The following SMIM14 variants were observed in gnomAD, a reference collection of about 807,000 sequenced individuals.
SMIM14 encodes the protein chromosome 4 open reading frame 34.
In SMIM14, 5 loss-of-function variants were observed where a neutral mutation model predicts 12.6. The ratio of observed to expected loss-of-function variants is 0.40; its 90% CI spans 0.21 to 0.83. The LOEUF is 0.83. Among genes scored for constraint, SMIM14 ranks in the 40% least tolerant of loss-of-function variants. The probability of loss-of-function intolerance (pLI) is 0.37; values close to 1 mark genes in which losing one functional copy is unlikely to be tolerated. For missense variants in SMIM14, 86 were observed against 119.1 expected, an observed-to-expected ratio of 0.72 and a Z score of 1.29; for synonymous variants, 30 against 40.1, an observed-to-expected ratio of 0.75 and a Z score of 0.95.
intron 2 of SMIM14, chr4:39,593,862 G>A (rs906958433): frequency 1.1e-4 from 16 of 151,984 alleles, no homozygotes; most frequent in Admixed American, 2.0e-4. Flanking sequence ...GAAGGACCTC[G>A]TCAAGGAGAA....
intron 3 of SMIM14, among the ~76,000 whole-genome samples, chr4:39,560,514 A>C (rs1018349745): frequency 3.3e-5 from 5 of 151,638 alleles, no homozygotes; most frequent in African/African-American, 1.2e-4. Flanking sequence ...ATCAGAGTCA[A>C]CTGAAAACTT....
Position 39,583,747 on chromosome 4 carries a change from CAAGAT to C in SMIM14, c.76-11289_76-11285del, listed in dbSNP as rs544117272. On this transcript the variant is annotated intron_variant, in intron 2 of 4. Coordinates refer to ENST00000295958, the MANE Select transcript of SMIM14 (RefSeq NM_174921.3). ...AGTATATATGATGGCACAGATTTTA[CAAGAT>C]AAGACCCTGAGTTATTTTGCTCTTT... Among the ~76,000 whole-genome samples, 1,043 of 152,192 alleles carry C rather than the reference CAAGAT, an allele frequency of 6.9e-3. 4 individuals are homozygous for C. Among genetic ancestry groups the C allele is most frequent in the Middle Eastern group, 0.014 (4 of 294 alleles).
intron 1 of SMIM14, among the ~76,000 whole-genome samples, chr4:39,631,415 T>C (rs1039110497): frequency 1.3e-5 from 2 of 151,938 alleles, no homozygotes; most frequent in Admixed American, 1.3e-4. Context: ...TCCCAGCACT[T>C]TGGGAGGCCA....
At chr4:39,608,992 T>C (rs1283835694) in intron 1 of SMIM14, among the ~76,000 whole-genome samples, 2 of 152,156 alleles carry the variant, frequency 1.3e-5, no homozygotes, top group Non-Finnish European at 2.9e-5. Context: ...TATGTATTGT[T>C]TTGAGATGGA....
At chr4:39,565,825 T>TG (rs777365952) in intron 3 of SMIM14, among the ~76,000 whole-genome samples, 35 of 152,062 alleles carry the variant, frequency 2.3e-4, no homozygotes, top group South Asian at 8.3e-4. Context: ...GATTGAATTA[T>TG]GGGGGGCGGG....
Position 39,558,613 on chromosome 4 carries a change from C to G in SMIM14, c.125-2043G>C, listed in dbSNP as rs16995819. Among the ~76,000 whole-genome samples, 2,249 of 152,274 alleles carry G rather than the reference C, an allele frequency of 0.015. 51 individuals carry two copies. The highest frequency in any genetic ancestry group is 0.051 in the African/African-American group (2,126 of 41,552). On this transcript the variant is annotated intron_variant, in intron 3 of 4. Transcript: ENST00000295958. This position sits in a 1 kb window ranked among gnomAD's most constrained non-coding sequence, Gnocchi z 4.3. Reference sequence around the variant, plus strand: ...CAAAGAAGAGAAGCTGTGCTTTGTGCTTAGAAACAATCCCACAGCTGGAAA... The same window carrying G: ...CAAAGAAGAGAAGCTGTGCTTTGTGGTTAGAAACAATCCCACAGCTGGAAA...
chr4:39,557,000 G>A (rs1194128354), intron 3 of SMIM14, among the ~76,000 whole-genome samples: 5 of 151,388 alleles, frequency 3.3e-5, no homozygotes, highest in Admixed American at 1.3e-4. Flanking sequence ...ATGTTGCCTG[G>A]GCTGGTCTCT....
In SMIM14 at chr4:39,548,545, CTG is replaced by C. The variant is rs1349369676; in HGVS notation, c.*3579_*3580del. On this transcript the variant is annotated 3_prime_UTR_variant, in exon 5 of 5. Coordinates refer to ENST00000295958, the MANE Select transcript of SMIM14 (RefSeq NM_174921.3). ...TGTGGAATGTGTTTAAGAGCCAAAA[CTG>C]TGAAAATGTAAGCTTTATCTTTCTT... The C allele has an allele frequency of 1.3e-5, 2 of 152,038 alleles. No individual in the cohort carries two copies. The highest frequency in any genetic ancestry group is 1.5e-5 in the Non-Finnish European group (1 of 68,000). The allele number at this position is 152,038 out of a possible 1,614,324, so 9.4% of individuals were successfully genotyped here. A position where few individuals can be genotyped will look rare whatever the true frequency, so the allele number is the denominator to read the frequency against.
rs1747348812 is a variant in SMIM14, at chr4:39,546,390, C to T, written c.*5736G>A. On this transcript the variant is annotated 3_prime_UTR_variant, in exon 5 of 5. Coordinates refer to ENST00000295958, the MANE Select transcript of SMIM14 (RefSeq NM_174921.3). Reference sequence around the variant, plus strand: ...ATACATTTGTCTGAGAAGAGATACGCACACTAAAGTCCCCTACAAGCAACT... The same window carrying T: ...ATACATTTGTCTGAGAAGAGATACGTACACTAAAGTCCCCTACAAGCAACT... 1.3e-5 allele frequency: 2 copies of T among 152,196 alleles called. No individual in the cohort carries two copies. Among genetic ancestry groups the T allele is most frequent in the Admixed American group, 6.5e-5 (1 of 15,276 alleles). 9.4% of individuals were successfully genotyped at this position (152,196 alleles called of 1,614,324 possible). A position where few individuals can be genotyped will look rare whatever the true frequency, so the allele number is the denominator to read the frequency against.
At chr4:39,638,696 G>C in intron 1 of SMIM14, 43 bp downstream of exon 1, 1 of 985,384 alleles carries the variant, frequency 1.0e-6, no homozygotes, top group South Asian at 4.7e-5. Context: ...GGCGAGGGGA[G>C]GGTGAGCCAG....
chr4:39,590,272 G>T (rs1713998367), intron 2 of SMIM14, among the ~76,000 whole-genome samples: 2 of 151,706 alleles, frequency 1.3e-5, no homozygotes, highest in African/African-American at 4.8e-5. Context: ...AATTAGCTGG[G>T]CGTGGTGGCG....
At position 39,548,067 on chromosome 4, in the gene SMIM14, G is replaced by A. The variant is rs550036162; in HGVS notation, c.*4059C>T. 1 of 152,228 alleles carries A rather than the reference G, an allele frequency of 6.6e-6. No homozygotes were observed. Among genetic ancestry groups the A allele is most frequent in the Non-Finnish European group, 1.5e-5 (1 of 68,092 alleles). The allele number at this position is 152,228 out of a possible 1,614,324, so 9.4% of individuals were successfully genotyped here. ...ATTACAGGCATGTGCCACCACACCA[G>A]GCTACTTTTGTATTTTTAGTGGAGA... On this transcript the variant is annotated 3_prime_UTR_variant, in exon 5 of 5. Transcript: ENST00000295958.
intron 1 of SMIM14, among the ~76,000 whole-genome samples, chr4:39,628,714 GTTTTTCTTTTTTTTTT>G (rs1189849155): frequency 2.1e-5 from 3 of 143,024 alleles, no homozygotes; most frequent in Non-Finnish European, 4.6e-5. Context: ...TCAGGAAAAT[GTTTTTCTTTTTTTTTT>G]TTTTTCTTTT....
At chr4:39,578,150 T>G (rs1400655642) in intron 2 of SMIM14, among the ~76,000 whole-genome samples, 3 of 152,174 alleles carry the variant, frequency 2.0e-5, no homozygotes, top group Non-Finnish European at 2.9e-5. Flanking sequence ...GTTCTGGGAA[T>G]TTTGTTTGTT....
chr4:39,633,986 C>T (rs1163538730), intron 1 of SMIM14, among the ~76,000 whole-genome samples: 5 of 152,202 alleles, frequency 3.3e-5, no homozygotes, highest in Non-Finnish European at 1.5e-5. Flanking sequence ...GGCTGGAGTG[C>T]AGTGGCACAA....
intron 3 of SMIM14, among the ~76,000 whole-genome samples, chr4:39,566,916 G>A (rs1712601390): frequency 6.6e-6 from 1 of 151,982 alleles, no homozygotes; most frequent in Admixed American, 6.6e-5. Context: ...GCAGTGAGCT[G>A]AGATTGTACC....
intron 1 of SMIM14, among the ~76,000 whole-genome samples, chr4:39,633,780 T>C (rs1450030971): frequency 6.6e-6 from 1 of 152,184 alleles, no homozygotes; most frequent in Non-Finnish European, 1.5e-5. Flanking sequence ...CTGATGATTG[T>C]ATCAACGAAT....
chr4:39,572,277 C>CTTT lies in SMIM14; in HGVS notation c.124+135_124+137dup, dbSNP rs71192876. On this transcript the variant is annotated intron_variant, in intron 3 of 4. Coordinates refer to ENST00000295958, the MANE Select transcript of SMIM14 (RefSeq NM_174921.3). Reference sequence around the variant, plus strand: ...TAATTTCTTTTGTGCGTATGTGTCGCTTTTTTTTTTTTTTTTTTTTTTTTT... The same window carrying CTTT: ...TAATTTCTTTTGTGCGTATGTGTCGCTTTTTTTTTTTTTTTTTTTTTTTTTTTT... 1,409 of 210,702 alleles carry CTTT rather than the reference C, an allele frequency of 6.7e-3. 138 individuals are homozygous for CTTT. The highest frequency in any genetic ancestry group is 0.064 in the African/African-American group (1,199 of 18,690). 13.1% of individuals were successfully genotyped at this position (210,702 alleles called of 1,614,324 possible). A position where few individuals can be genotyped will look rare whatever the true frequency, so the allele number is the denominator to read the frequency against.
At chr4:39,593,675 C>G (rs1281782117) in intron 2 of SMIM14, 2 of 152,014 alleles carry the variant, frequency 1.3e-5, no homozygotes, top group East Asian at 3.8e-4. Context: ...CCCAAAATCT[C>G]CTTAAGCTGA....
Sources: allele counts gnomAD v4.1 joint callset (sites outside exome capture counted in the v4.1 genomes callset), GRCh38; gene constraint gnomAD v4.1.1; non-coding constraint Gnocchi (gnomAD v3.1); transcripts MANE v1.5; gene names NCBI Gene and HGNC (gene_info 2026-07-23, HGNC 2026-07-21).